The following HPSE2 variants were observed in gnomAD, a reference collection of about 807,000 sequenced individuals.
The protein encoded by HPSE2 is heparanase 2 (inactive).
In HPSE2, 38 loss-of-function variants were observed where a neutral mutation model predicts 60.5. The ratio of observed to expected loss-of-function variants is 0.63; its 90% CI spans 0.48 to 0.82. The LOEUF (loss-of-function observed/expected upper bound fraction) is 0.82. Among genes scored for constraint, HPSE2 ranks in the 40% least tolerant of loss-of-function variants. The pLI, the probability that HPSE2 is intolerant of heterozygous loss-of-function variation, is 0.00. For synonymous variants in HPSE2, 295 were observed against 293.2 expected, an observed-to-expected ratio of 1.01 and a Z score of -0.06; for missense variants, 713 against 740.4, an observed-to-expected ratio of 0.96 and a Z score of 0.43.
chr10:98,635,480 T>C (rs1290655124), intron 7 of HPSE2, among the ~76,000 whole-genome samples: 2 of 152,194 alleles, frequency 1.3e-5, no homozygotes, highest in African/African-American at 2.4e-5. Context: ...TCAACCTGTC[T>C]CCATCAACAG....
At chr10:99,066,972 G>A (rs1411273672) in intron 3 of HPSE2, among the ~76,000 whole-genome samples, 2 of 152,164 alleles carry the variant, frequency 1.3e-5, no homozygotes, top group African/African-American at 2.4e-5. Flanking sequence ...GATACAATGA[G>A]GGTACAGGCA....
At chr10:98,480,863 T>C (rs746838638) in intron 11 of HPSE2, among the ~76,000 whole-genome samples, 8 of 151,188 alleles carry the variant, frequency 5.3e-5, no homozygotes, top group Admixed American at 5.3e-4. Context: ...AGGAAGGCAA[T>C]GGATATTTAT....
At chr10:98,616,583 T>C (rs575724457) in intron 8 of HPSE2, among the ~76,000 whole-genome samples, 3 of 152,352 alleles carry the variant, frequency 2.0e-5, no homozygotes, top group East Asian at 3.9e-4. Context: ...ATTATTCCTA[T>C]ATTTAAATGT....
intron 6 of HPSE2, among the ~76,000 whole-genome samples, chr10:98,660,973 T>G (rs905903242): frequency 1.3e-5 from 2 of 152,202 alleles, no homozygotes; most frequent in African/African-American, 4.8e-5. Flanking sequence ...TAGGCTGAAT[T>G]GGCACCAGAG....
chr10:98,840,482 T>C (rs906717773), intron 3 of HPSE2, among the ~76,000 whole-genome samples: 1 of 152,158 alleles, frequency 6.6e-6, no homozygotes, highest in Non-Finnish European at 1.5e-5. Flanking sequence ...TATTTCAATA[T>C]TGCAGAAGAG....
chr10:98,531,792 T>TGGAAA (rs1427896094), intron 9 of HPSE2, among the ~76,000 whole-genome samples: 1 of 152,130 alleles, frequency 6.6e-6, no homozygotes, highest in African/African-American at 2.4e-5. Context: ...CCCTGGTGAC[T>TGGAAA]CTGTATTTCC....
At chr10:98,473,212 C>T (rs548912636) in intron 11 of HPSE2, among the ~76,000 whole-genome samples, 2 of 152,146 alleles carry the variant, frequency 1.3e-5, no homozygotes, top group East Asian at 1.9e-4. Context: ...TGGTCAGGCG[C>T]GGTGGCTCAT....
intron 2 of HPSE2, among the ~76,000 whole-genome samples, chr10:99,154,816 TA>T (rs1215186720): frequency 6.6e-6 from 1 of 151,772 alleles, no homozygotes; most frequent in Non-Finnish European, 1.5e-5. Context: ...GCAAATTGGA[TA>T]AAGAGTCAAG....
intron 9 of HPSE2, among the ~76,000 whole-genome samples, chr10:98,566,588 G>A (rs1944351784): frequency 6.6e-6 from 1 of 152,212 alleles, no homozygotes; most frequent in African/African-American, 2.4e-5. Context: ...TTCATAGCAC[G>A]TAGATTTTCT....
intron 2 of HPSE2, among the ~76,000 whole-genome samples, chr10:99,205,737 C>T (rs564737163): frequency 3.3e-5 from 5 of 152,276 alleles, no homozygotes; most frequent in South Asian, 2.1e-4. Flanking sequence ...ACCATAACTG[C>T]GTAAAATTAA....
chr10:98,531,970 T>G (rs1943145018), intron 9 of HPSE2, among the ~76,000 whole-genome samples: 1 of 152,242 alleles, frequency 6.6e-6, no homozygotes, highest in Non-Finnish European at 1.5e-5. Context: ...GTTAGTTGTT[T>G]TTTCATATTG....
intron 3 of HPSE2, among the ~76,000 whole-genome samples, chr10:98,901,916 A>T (rs758594722): frequency 1.3e-5 from 2 of 152,180 alleles, no homozygotes; most frequent in Non-Finnish European, 2.9e-5. Flanking sequence ...CACATGCTCA[A>T]TTATAATTAC....
chr10:99,167,038 T>C (rs1847112909), intron 2 of HPSE2, among the ~76,000 whole-genome samples: 1 of 151,498 alleles, frequency 6.6e-6, no homozygotes. Context: ...TGAGACAGAG[T>C]CTTGCTCTGT....
the HPSE2 span, among the ~76,000 whole-genome samples, chr10:99,263,975 C>T: frequency 6.6e-6 from 1 of 152,174 alleles, no homozygotes; most frequent in African/African-American, 2.4e-5. Flanking sequence ...TACTTTTATA[C>T]TCACTCTTAT....
chr10:98,853,875 C>T (rs778607563), intron 3 of HPSE2, among the ~76,000 whole-genome samples: 62 of 152,096 alleles, frequency 4.1e-4, no homozygotes, highest in Non-Finnish European at 7.9e-4. Context: ...ATATGAGATA[C>T]GTGAAATTGT....
intron 3 of HPSE2, among the ~76,000 whole-genome samples, chr10:98,955,091 A>C (rs1286508141): frequency 6.6e-6 from 1 of 151,676 alleles, no homozygotes; most frequent in Non-Finnish European, 1.5e-5. Flanking sequence ...ATGGAACAGA[A>C]TCATAGAGAC....
chr10:98,765,605 C>T (rs562537274), intron 3 of HPSE2, among the ~76,000 whole-genome samples: 56 of 151,888 alleles, frequency 3.7e-4, no homozygotes, highest in Non-Finnish European at 6.3e-4. Context: ...TTTGGGAGGC[C>T]GAGACGGGTG....
At chr10:98,518,001 C>T (rs554030660) in intron 9 of HPSE2, among the ~76,000 whole-genome samples, 169 of 152,344 alleles carry the variant, frequency 1.1e-3, no homozygotes, top group African/African-American at 3.9e-3. Context: ...GAAAGCTTCC[C>T]TCCCAGTGTC....
chr10:98,918,031 T>G (rs1954171141), intron 3 of HPSE2, among the ~76,000 whole-genome samples: 1 of 152,190 alleles, frequency 6.6e-6, no homozygotes, highest in African/African-American at 2.4e-5. Context: ...GTCATCACAT[T>G]TCTGTACACA....
Sources: gnomAD v4.1 joint callset for allele counts (sites outside exome capture counted in the v4.1 genomes callset) on GRCh38, gnomAD v4.1.1 for gene constraint, MANE v1.5 for transcripts, NCBI Gene and HGNC (gene_info 2026-07-23, HGNC 2026-07-21) for gene names.